The following DNAAF9 variants were observed in gnomAD, a reference collection of about 807,000 sequenced individuals.
DNAAF9 encodes dynein axonemal assembly factor 9, also known as shulin.
DNAAF9 carries 90 observed loss-of-function variants against 167.0 expected under a neutral mutation model. The observed-to-expected ratio is 0.54, with a 90% confidence interval of 0.45 to 0.64. The LOEUF is 0.64. DNAAF9 is among the 30% of genes least tolerant of loss of function. DNAAF9 has a pLI of 0.00. For synonymous variants in DNAAF9, 491 were observed against 508.8 expected (o/e 0.96, Z 0.47); for missense variants, 1,315 against 1,442.2 (o/e 0.91, Z 1.43).
chr20:3,274,775 C>T (rs576745783), intron 29 of DNAAF9, among the ~76,000 whole-genome samples: 1 of 152,284 alleles, frequency 6.6e-6, no homozygotes, highest in Admixed American at 6.5e-5. Context: ...TAGACTTCTC[C>T]CTGTACATAG....
intron 14 of DNAAF9, among the ~76,000 whole-genome samples, chr20:3,324,406 G>A (rs1184011889): frequency 2.0e-5 from 3 of 152,002 alleles, no homozygotes; most frequent in Non-Finnish European, 2.9e-5. Flanking sequence ...AACAACCACC[G>A]TGACATGCTG....
At chr20:3,371,298 A>C (rs1308938995) in intron 6 of DNAAF9, among the ~76,000 whole-genome samples, 2 of 150,214 alleles carry the variant, frequency 1.3e-5, no homozygotes, top group Non-Finnish European at 3.0e-5. Flanking sequence ...CAAAAAGAGA[A>C]ATTTTCTCAA....
intron 16 of DNAAF9, among the ~76,000 whole-genome samples, chr20:3,318,761 C>T (rs2086375549): frequency 1.3e-5 from 2 of 152,092 alleles, no homozygotes; most frequent in Admixed American, 1.3e-4. Flanking sequence ...CCCTGAACAA[C>T]ACAGTGAGAT....
intron 6 of DNAAF9, 49 bp downstream of exon 6, chr20:3,373,999 A>G (rs755133659): frequency 1.7e-6 from 2 of 1,199,886 alleles, no homozygotes; most frequent in Non-Finnish European, 2.5e-6. Flanking sequence ...TCTTCATAAA[A>G]ACAGCCCAGT....
intron 10 of DNAAF9, among the ~76,000 whole-genome samples, chr20:3,340,078 C>A (rs1433993496): frequency 6.6e-6 from 1 of 152,140 alleles, no homozygotes; most frequent in African/African-American, 2.4e-5. Flanking sequence ...ATGCAAAAAT[C>A]TTCTCTCTGG....
At position 3,293,873 on chromosome 20, in the gene DNAAF9, C is replaced by T. The variant is rs116498966; in HGVS notation, c.2238+266G>A. On this transcript the variant is annotated intron_variant, in intron 25 of 36. Transcript: ENST00000252032. ...AGCACTGAGTAGGAGTTTAAATGTT[C>T]TTGAGAGGCCAGGGAAGGGCACGGC... is the stretch of plus-strand genomic sequence containing the variant. Among the ~76,000 whole-genome samples the T allele has an allele frequency of 4.9e-3, 748 of 152,122 alleles. 5 individuals carry two copies. The highest frequency in any genetic ancestry group is 0.017 in the African/African-American group (713 of 41,508).
At chr20:3,260,114 T>G (rs1009991402) in intron 31 of DNAAF9, 86 bp from the exon 32 acceptor site, 1 of 686,072 alleles carries the variant, frequency 1.5e-6, no homozygotes, top group Non-Finnish European at 2.6e-6. Flanking sequence ...CCGAGGCGGG[T>G]GGATCATGAG....
At position 3,329,517 on chromosome 20, in the gene DNAAF9, T is replaced by C. The variant is rs144840574; in HGVS notation, c.1100+1129A>G. Among the ~76,000 whole-genome samples the C allele has an allele frequency of 5.9e-5, 9 of 152,368 alleles. No homozygotes were observed. In the East Asian group the frequency reaches 1.7e-3, roughly 29 times the overall value. On this transcript the variant is annotated intron_variant, in intron 12 of 36. Transcript: ENST00000252032. ...GCCAGACAGGAGGAATTATAGCTGA[T>C]CTTAATTTCGTTTCTCTAATTCCAT...
At chr20:3,346,609 G>C (rs2070198526) in intron 8 of DNAAF9, among the ~76,000 whole-genome samples, 1 of 152,180 alleles carries the variant, frequency 6.6e-6, no homozygotes, top group Non-Finnish European at 1.5e-5. Flanking sequence ...TGTTAGAAAG[G>C]TGAGAATATG....
At chr20:3,350,910 T>C (rs1290075669) in intron 7 of DNAAF9, among the ~76,000 whole-genome samples, 1 of 152,158 alleles carries the variant, frequency 6.6e-6, no homozygotes, top group African/African-American at 2.4e-5. Flanking sequence ...AATATATTTA[T>C]GTATATATAT....
chr20:3,331,117 G>C (rs1206234133), intron 11 of DNAAF9, among the ~76,000 whole-genome samples: 2 of 151,990 alleles, frequency 1.3e-5, no homozygotes, highest in Non-Finnish European at 2.9e-5. Context: ...GTTAAATATA[G>C]TACAAACACC....
chr20:3,351,271 A>G (rs2070318488), intron 7 of DNAAF9, among the ~76,000 whole-genome samples: 1 of 152,158 alleles, frequency 6.6e-6, no homozygotes. Flanking sequence ...GGCAGGCCTT[A>G]GCACCTTACT....
chr20:3,321,452 T>C (rs942045010), intron 16 of DNAAF9, among the ~76,000 whole-genome samples: 6 of 152,184 alleles, frequency 3.9e-5, no homozygotes, highest in Non-Finnish European at 8.8e-5. Flanking sequence ...ATAGAAATGG[T>C]GGGTAAAAAT....
rs373020089 is a variant in DNAAF9, at chr20:3,371,680, A to G, written c.612+2368T>C. Among the ~76,000 whole-genome samples, 413 of 152,208 alleles carry G rather than the reference A, an allele frequency of 2.7e-3. 1 individual carries two copies. Among genetic ancestry groups the G allele is most frequent in the African/African-American group, 9.3e-3 (387 of 41,532 alleles). ...TTAAAGCATGCTGATCTATCCCTGC[A>G]TCTAATATGTTGTGGTCTCTTTCTT... is the stretch of plus-strand genomic sequence containing the variant. On this transcript the variant is annotated intron_variant, in intron 6 of 36. Coordinates refer to ENST00000252032, the MANE Select transcript of DNAAF9 (RefSeq NM_001009984.3).
At chr20:3,263,030 A>G (rs1037904116) in intron 31 of DNAAF9, among the ~76,000 whole-genome samples, 2 of 124,298 alleles carry the variant, frequency 1.6e-5, no homozygotes, top group South Asian at 5.1e-4. Flanking sequence ...GCTGGAGTGC[A>G]GTGGCGTGAT....
At chr20:3,381,542 G>A (rs1394997280) in intron 2 of DNAAF9, 44 bp from the exon 3 acceptor site, 2 of 1,570,370 alleles carry the variant, frequency 1.3e-6, no homozygotes, top group African/African-American at 2.7e-5. Flanking sequence ...CATACTACAG[G>A]GAGCAAATGA....
chr20:3,275,914 ACTT>A lies in DNAAF9; in HGVS notation c.2650+2995_2650+2997del, dbSNP rs1326245035. On this transcript the variant is annotated intron_variant, in intron 29 of 36. Transcript: ENST00000252032. ...AGAAGCCCAGCAGAAAACAAAGGTG[ACTT>A]CTTCTATCTACAGATGCTTTTAAAA... 3.9e-5 allele frequency among the ~76,000 whole-genome samples: 6 copies of A among 152,316 alleles called. No individual in the cohort carries two copies. The East Asian group carries it at 7.7e-4, about 20-fold the overall frequency.
intron 20 of DNAAF9, among the ~76,000 whole-genome samples, chr20:3,306,311 G>A (rs576622827): frequency 2.6e-5 from 4 of 151,950 alleles, no homozygotes; most frequent in Admixed American, 6.6e-5. Context: ...ATTGGTATTC[G>A]CATTTTCCCC....
intron 23 of DNAAF9, chr20:3,295,371 G>A (rs576301768): frequency 5.0e-6 from 1 of 199,278 alleles, no homozygotes; most frequent in African/African-American, 2.4e-5. Flanking sequence ...GAAGAGATGA[G>A]GTTTCACCTT....
Sources: allele counts gnomAD v4.1 joint callset (sites outside exome capture counted in the v4.1 genomes callset), GRCh38; gene constraint gnomAD v4.1.1; transcripts MANE v1.5; gene names NCBI Gene and HGNC (gene_info 2026-07-23, HGNC 2026-07-21).